KCNQ5: variants seen among roughly 807,000 people sequenced by gnomAD.
KCNQ5 encodes the protein potassium voltage-gated channel subfamily Q member 5, also known as potassium voltage-gated channel subfamily KQT member 5.
In KCNQ5, 30 loss-of-function variants were observed where a neutral mutation model predicts 98.2. The ratio of observed to expected loss-of-function variants is 0.31; its 90% CI spans 0.23 to 0.41. The LOEUF is 0.41. Ranked by LOEUF, KCNQ5 falls within the 10% of genes least tolerant of loss-of-function variation. The pLI is 1.00. For missense variants in KCNQ5, 835 were observed against 1,182.5 expected (o/e 0.71, Z 4.31); for synonymous variants, 458 against 449.4 (o/e 1.02, Z -0.24).
At chr6:73,084,110 A>G (rs913675013) in intron 5 of KCNQ5, among the ~76,000 whole-genome samples, 1 of 152,196 alleles carries the variant, frequency 6.6e-6, no homozygotes, top group Non-Finnish European at 1.5e-5. Flanking sequence ...AGATGAACAG[A>G]GTCACTGGGT....
intron 1 of KCNQ5, chr6:72,967,725 A>G (rs868762201): frequency 2.6e-5 from 4 of 154,924 alleles, no homozygotes; most frequent in African/African-American, 9.6e-5. Flanking sequence ...GAAATGTGGC[A>G]TACTAAAATC....
intron 1 of KCNQ5, among the ~76,000 whole-genome samples, chr6:72,760,192 T>A (rs1018623947): frequency 1.3e-5 from 2 of 152,114 alleles, no homozygotes; most frequent in Admixed American, 1.3e-4. Context: ...GTAACTTTTA[T>A]AAATAAATCA....
At chr6:72,768,147 G>A (rs1421028163) in intron 1 of KCNQ5, among the ~76,000 whole-genome samples, 2 of 152,038 alleles carry the variant, frequency 1.3e-5, no homozygotes, top group African/African-American at 4.8e-5. Flanking sequence ...AGGCAGGGAT[G>A]TGTCAGAGAT....
chr6:72,884,687 G>A (rs1176776936), intron 1 of KCNQ5, among the ~76,000 whole-genome samples: 1 of 151,844 alleles, frequency 6.6e-6, no homozygotes, highest in Non-Finnish European at 1.5e-5. Flanking sequence ...GACAATCTTG[G>A]CTCACTGCAA....
At chr6:72,710,731 C>T (rs1769323984) in intron 1 of KCNQ5, among the ~76,000 whole-genome samples, 1 of 152,048 alleles carries the variant, frequency 6.6e-6, no homozygotes, top group Non-Finnish European at 1.5e-5. Flanking sequence ...TAGACTGCAA[C>T]AAAATAATAG....
intron 1 of KCNQ5, among the ~76,000 whole-genome samples, chr6:72,985,647 G>C (rs1374924003): frequency 1.3e-5 from 2 of 152,172 alleles, no homozygotes; most frequent in Non-Finnish European, 1.5e-5. Flanking sequence ...GTATTGAAAA[G>C]TCAAAAACAA....
chr6:72,888,159 CAAG>C lies in KCNQ5; in HGVS notation c.399-115743_399-115741del, dbSNP rs1380200978. 3.9e-5 allele frequency among the ~76,000 whole-genome samples: 6 copies of C among 152,134 alleles called. No individual in the cohort carries two copies. In the East Asian group the frequency reaches 1.2e-3, roughly 29 times the overall value. The stretch of plus-strand genomic sequence containing the variant: ...AAAACGTTAAAATTTGGCAGAACTA[CAAG>C]AAGAAACTAGCAGATCCCGTCTGCT... On this transcript the variant is annotated intron_variant, in intron 1 of 13. Coordinates refer to ENST00000370398, the MANE Select transcript of KCNQ5 (RefSeq NM_019842.4).
chr6:73,076,916 T>C (rs1333706625), intron 3 of KCNQ5, among the ~76,000 whole-genome samples: 1 of 152,142 alleles, frequency 6.6e-6, no homozygotes, highest in Non-Finnish European at 1.5e-5. Flanking sequence ...GCTGTGGTGT[T>C]GAGGGCTGAG....
intron 1 of KCNQ5, chr6:72,677,069 C>T (rs1767451549): frequency 6.6e-6 from 1 of 152,120 alleles, no homozygotes; most frequent in South Asian, 2.1e-4. Flanking sequence ...TAATTATAGT[C>T]TCAGTTTACC....
chr6:73,150,577 C>A (rs938790675), intron 10 of KCNQ5, among the ~76,000 whole-genome samples: 2 of 148,236 alleles, frequency 1.3e-5, no homozygotes, highest in African/African-American at 4.9e-5. Context: ...CATGTATGTG[C>A]CACAATTTGT....
At chr6:72,708,187 G>A (rs778472613) in intron 1 of KCNQ5, among the ~76,000 whole-genome samples, 7 of 151,838 alleles carry the variant, frequency 4.6e-5, no homozygotes, top group East Asian at 1.9e-4. Flanking sequence ...TTGGGTTTTC[G>A]CCAATGTATT....
At chr6:72,860,697 T>A (rs998413544) in intron 1 of KCNQ5, among the ~76,000 whole-genome samples, 1 of 152,200 alleles carries the variant, frequency 6.6e-6, no homozygotes, top group African/African-American at 2.4e-5. Flanking sequence ...CTTGTAAAAA[T>A]CTGTTCCAGA....
intron 11 of KCNQ5, among the ~76,000 whole-genome samples, chr6:73,188,891 G>C (rs1765480823): frequency 6.6e-6 from 1 of 150,778 alleles, no homozygotes; most frequent in Non-Finnish European, 1.5e-5. Flanking sequence ...GCTGAGGCAG[G>C]AGAATCGCTT....
chr6:72,799,111 G>A (rs945621271), intron 1 of KCNQ5, among the ~76,000 whole-genome samples: 3 of 152,106 alleles, frequency 2.0e-5, no homozygotes, highest in Non-Finnish European at 4.4e-5. Flanking sequence ...GAGAGACAGA[G>A]AGACAGATTG....
intron 1 of KCNQ5, among the ~76,000 whole-genome samples, chr6:72,807,771 C>T (rs1171495720): frequency 1.3e-5 from 2 of 152,130 alleles, no homozygotes; most frequent in Non-Finnish European, 2.9e-5. Context: ...ACCTAGGCCT[C>T]CTAAAGTGTG....
At chr6:73,121,336 TA>T (rs113225446) in intron 8 of KCNQ5, among the ~76,000 whole-genome samples, 5,576 of 138,776 alleles carry the variant, frequency 0.04, 241 homozygotes, top group African/African-American at 0.11. Context: ...GATCTGTAAT[TA>T]AAAAAAAAAA....
At chr6:72,880,448 G>T (rs907887555) in intron 1 of KCNQ5, among the ~76,000 whole-genome samples, 1 of 152,036 alleles carries the variant, frequency 6.6e-6, no homozygotes, top group Non-Finnish European at 1.5e-5. Context: ...CCTCCTAAAG[G>T]CCCAACCTCC....
intron 1 of KCNQ5, among the ~76,000 whole-genome samples, chr6:72,686,467 G>A (rs922793484): frequency 6.6e-6 from 1 of 152,102 alleles, no homozygotes; most frequent in African/African-American, 2.4e-5. Context: ...TTTCTAAGAA[G>A]TAGGTATTCA....
intron 11 of KCNQ5, among the ~76,000 whole-genome samples, chr6:73,170,154 T>C (rs1056761740): frequency 6.6e-6 from 1 of 152,230 alleles, no homozygotes; most frequent in East Asian, 1.9e-4. Flanking sequence ...AGTTTATTGA[T>C]GCAATTGGAT....
Sources: gnomAD v4.1 joint callset for allele counts (sites outside exome capture counted in the v4.1 genomes callset) on GRCh38, gnomAD v4.1.1 for gene constraint, MANE v1.5 for transcripts, NCBI Gene and HGNC (gene_info 2026-07-23, HGNC 2026-07-21) for gene names.